Variants in GRM7 observed in about 807,000 individuals in gnomAD.
GRM7 encodes the protein metabotropic glutamate receptor 7.
Under a neutral mutation model 84.5 loss-of-function variants are expected in GRM7, and 35 were observed. That is an observed-to-expected ratio of 0.41 (90% confidence interval 0.32 to 0.55). The LOEUF (loss-of-function observed/expected upper bound fraction) is 0.55. GRM7 is among the 20% of genes least tolerant of loss of function. The pLI is 0.19. For missense variants in GRM7, 1,003 were observed against 1,194.6 expected, an observed-to-expected ratio of 0.84 and a Z score of 2.36; for synonymous variants, 487 against 455.1, an observed-to-expected ratio of 1.07 and a Z score of -0.89.
At chr3:7,608,665 T>C (rs1417896555) in intron 8 of GRM7, among the ~76,000 whole-genome samples, 1 of 152,156 alleles carries the variant, frequency 6.6e-6, no homozygotes, top group Non-Finnish European at 1.5e-5. Context: ...TTTGTAGGTT[T>C]TCTCTTTACT....
chr3:7,093,036 T>C (rs566403177), intron 1 of GRM7, among the ~76,000 whole-genome samples: 5 of 152,190 alleles, frequency 3.3e-5, no homozygotes, highest in South Asian at 2.1e-4. Context: ...TGAGCCATGA[T>C]TGGGTAACAG....
intron 8 of GRM7, among the ~76,000 whole-genome samples, chr3:7,671,959 A>T (rs9829869): frequency 0.53 from 80,608 of 151,904 alleles, 22,259 homozygotes; most frequent in African/African-American, 0.67. Context: ...TGAGGTAAAG[A>T]AACTTGCCCA....
chr3:7,238,707 C>G (rs1697433753), intron 2 of GRM7, among the ~76,000 whole-genome samples: 1 of 152,080 alleles, frequency 6.6e-6, no homozygotes, highest in South Asian at 2.1e-4. Context: ...CCCTTCACAA[C>G]ACACATCTAG....
chr3:7,208,679 G>A (rs954927864), intron 2 of GRM7, among the ~76,000 whole-genome samples: 3 of 151,990 alleles, frequency 2.0e-5, no homozygotes, highest in African/African-American at 7.3e-5. Context: ...GACCATCATG[G>A]GTGCTTACTG....
In GRM7 at chr3:7,298,836, C is replaced by G; in HGVS notation, c.878+11C>G. 1 of 1,610,874 alleles carries G rather than the reference C, an allele frequency of 6.2e-7. No homozygotes were observed. Among genetic ancestry groups the G allele is most frequent in the Non-Finnish European group, 8.5e-7 (1 of 1,177,376 alleles). On this transcript the variant is annotated intron_variant, in intron 3 of 9. Coordinates refer to ENST00000357716, the MANE Select transcript of GRM7 (RefSeq NM_000844.4). ...CGATGAGGATATAAAGTAAGAATAACTGGTGACAATTGTTAATATGCATGT... is the reference window on the plus strand; with the variant it reads ...CGATGAGGATATAAAGTAAGAATAAGTGGTGACAATTGTTAATATGCATGT...
intron 5 of GRM7, among the ~76,000 whole-genome samples, chr3:7,435,465 A>G (rs1395915081): frequency 2.0e-5 from 3 of 150,978 alleles, no homozygotes; most frequent in Admixed American, 6.6e-5. Context: ...TATGCCTTCT[A>G]TTTTCTTTCT....
At chr3:7,454,090 A>ACTCTCTCTCTCT (rs58338960) in intron 6 of GRM7, among the ~76,000 whole-genome samples, 96 of 140,188 alleles carry the variant, frequency 6.8e-4, no homozygotes, top group South Asian at 1.2e-3. Context: ...CTACACACAC[A>ACTCTCTCTCTCT]CTCTCTCTCT....
intron 5 of GRM7, among the ~76,000 whole-genome samples, chr3:7,434,578 T>A (rs1431270532): frequency 2.0e-5 from 3 of 152,230 alleles, no homozygotes; most frequent in Non-Finnish European, 2.9e-5. Flanking sequence ...TATTTTTTAG[T>A]TGATATCACA....
At chr3:7,106,792 G>T (rs1574912852) in intron 1 of GRM7, among the ~76,000 whole-genome samples, 1 of 152,136 alleles carries the variant, frequency 6.6e-6, no homozygotes, top group South Asian at 2.1e-4. Flanking sequence ...TAAGGCAAAT[G>T]CATATTGCGT....
chr3:6,987,634 G>C (rs775835759), intron 1 of GRM7, among the ~76,000 whole-genome samples: 1 of 152,202 alleles, frequency 6.6e-6, no homozygotes, highest in Non-Finnish European at 1.5e-5. Context: ...AGCTATTCAA[G>C]CTAGATCATG....
At chr3:7,037,903 C>T (rs1428626910) in intron 1 of GRM7, among the ~76,000 whole-genome samples, 3 of 152,048 alleles carry the variant, frequency 2.0e-5, no homozygotes, top group African/African-American at 7.2e-5. Flanking sequence ...AAACTGAGAT[C>T]TCATAAACAT....
intron 2 of GRM7, among the ~76,000 whole-genome samples, chr3:7,171,367 A>T (rs1694977372): frequency 6.6e-6 from 1 of 152,098 alleles, no homozygotes; most frequent in Non-Finnish European, 1.5e-5. Flanking sequence ...TAATTCTGTT[A>T]ATTTTGGAGA....
At chr3:7,228,512 G>A (rs1697056940) in intron 2 of GRM7, among the ~76,000 whole-genome samples, 1 of 152,202 alleles carries the variant, frequency 6.6e-6, no homozygotes, top group Admixed American at 6.5e-5. Context: ...TTGAGAATCT[G>A]TTCCAGATCT....
chr3:7,415,164 G>C lies in GRM7; in HGVS notation c.1174+1G>C. The C allele has an allele frequency of 6.2e-7, 1 of 1,611,912 alleles. No homozygotes were observed. Among genetic ancestry groups the C allele is most frequent in the Non-Finnish European group, 8.5e-7 (1 of 1,178,276 alleles). On this transcript the variant is annotated splice_donor_variant, in intron 5 of 9. Transcript: ENST00000357716. LOFTEE classifies it high-confidence loss of function. ...GAAGACACAGATCGCAAATGCACAGGTAATTTAATTCTCGTTGTCCTTCTC... is the reference window on the plus strand; with the variant it reads ...GAAGACACAGATCGCAAATGCACAGCTAATTTAATTCTCGTTGTCCTTCTC...
chr3:7,271,198 GA>G (rs956864580), intron 2 of GRM7, among the ~76,000 whole-genome samples: 75 of 151,838 alleles, frequency 4.9e-4, no homozygotes, highest in Admixed American at 2.3e-3. Flanking sequence ...ACAGAAAGAG[GA>G]AAAAAAAGTT....
chr3:7,262,683 T>G (rs1305609894), intron 2 of GRM7, among the ~76,000 whole-genome samples: 1 of 151,692 alleles, frequency 6.6e-6, no homozygotes, highest in Non-Finnish European at 1.5e-5. Flanking sequence ...ATTCTGGCTT[T>G]TTGGTTTGTT....
intron 1 of GRM7, among the ~76,000 whole-genome samples, chr3:7,130,467 C>A (rs527883315): frequency 6.6e-6 from 1 of 150,988 alleles, no homozygotes. Flanking sequence ...CATGTAAACC[C>A]GGGAGGTGGA....
chr3:7,646,603 T>A (rs997132081), intron 8 of GRM7, among the ~76,000 whole-genome samples: 6 of 152,204 alleles, frequency 3.9e-5, no homozygotes, highest in Non-Finnish European at 8.8e-5. Context: ...CCCAAAGATA[T>A]GCTTGTAATT....
chr3:7,267,469 T>C (rs111658754), intron 2 of GRM7, among the ~76,000 whole-genome samples: 33 of 152,320 alleles, frequency 2.2e-4, no homozygotes, highest in African/African-American at 7.2e-4. Flanking sequence ...GGGATTAGAA[T>C]TGTACCTTTG....
Sources: allele counts gnomAD v4.1 joint callset (sites outside exome capture counted in the v4.1 genomes callset), GRCh38; gene constraint gnomAD v4.1.1; transcripts MANE v1.5; gene names NCBI Gene and HGNC (gene_info 2026-07-23, HGNC 2026-07-21).